WNT3A: variants seen among roughly 807,000 people sequenced by gnomAD.
The protein encoded by WNT3A is Wnt family member 3A, also known as protein Wnt-3a.
WNT3A carries 17 observed loss-of-function variants against 37.0 expected under a neutral mutation model. The ratio of observed to expected loss-of-function variants is 0.46; its 90% CI spans 0.31 to 0.69. The LOEUF is 0.69. Ranked by LOEUF, WNT3A falls within the 30% of genes least tolerant of loss-of-function variation. The probability of loss-of-function intolerance (pLI) is 0.05; values close to 1 mark genes in which losing one functional copy is unlikely to be tolerated. For synonymous variants in WNT3A, 187 were observed against 211.0 expected, an observed-to-expected ratio of 0.89 and a Z score of 0.99; for missense variants, 411 against 510.2, an observed-to-expected ratio of 0.81 and a Z score of 1.87.
chr1:228,009,411 G>A (rs1664848048), intron 1 of WNT3A, among the ~76,000 whole-genome samples: 1 of 152,136 alleles, frequency 6.6e-6, no homozygotes. Flanking sequence ...TAATAGCCGG[G>A]GAAGATTCTC....
At chr1:228,014,221 C>T (rs74871483) in intron 1 of WNT3A, among the ~76,000 whole-genome samples, 8,128 of 152,248 alleles carry the variant, frequency 0.053, 731 homozygotes, top group African/African-American at 0.18. Flanking sequence ...TCTCTCAGAG[C>T]TTCAGGTAGG....
intron 2 of WNT3A, among the ~76,000 whole-genome samples, chr1:228,035,588 CG>C (rs1259015970): frequency 2.6e-5 from 4 of 152,198 alleles, no homozygotes; most frequent in African/African-American, 9.7e-5. Context: ...CCGGGCAGGG[CG>C]GGGATGGATC....
intron 1 of WNT3A, among the ~76,000 whole-genome samples, chr1:228,016,925 T>A (rs568143031): frequency 1.1e-4 from 17 of 152,296 alleles, no homozygotes; most frequent in African/African-American, 3.6e-4. Context: ...ACGAGTGATC[T>A]GCGTCTGAGA....
chr1:228,058,915 T>G, intron 3 of WNT3A, 71 bp from the exon 4 acceptor site: 2 of 1,433,644 alleles, frequency 1.4e-6, no homozygotes, highest in Non-Finnish European at 1.9e-6. Flanking sequence ...GCAGGCGACA[T>G]GTAATGCTGT....
At position 228,034,948 on chromosome 1, in the gene WNT3A, T is replaced by A. The variant is rs369824450; in HGVS notation, c.313+12040T>A. On this transcript the variant is annotated intron_variant, in intron 2 of 3. Transcript: ENST00000284523. ...GGGACCCTTGGGGGTCTCCCATGGGTCTGGTGTGTGACAGCATCCCTATAG... is the reference window on the plus strand; with the variant it reads ...GGGACCCTTGGGGGTCTCCCATGGGACTGGTGTGTGACAGCATCCCTATAG... Among the ~76,000 whole-genome samples the A allele has an allele frequency of 1.5e-4, 23 of 152,144 alleles. No homozygotes were observed. In the South Asian group the frequency reaches 4.8e-3, roughly 32 times the overall value.
intron 1 of WNT3A, among the ~76,000 whole-genome samples, chr1:228,013,701 T>C (rs972453823): frequency 2.6e-5 from 4 of 152,158 alleles, no homozygotes; most frequent in African/African-American, 9.7e-5. Flanking sequence ...TCTAGGCAGC[T>C]GCAGTTCCAC....
At position 228,037,158 on chromosome 1, in the gene WNT3A, TC is replaced by T. The variant is rs1245291939; in HGVS notation, c.314-13497del. 6.6e-5 allele frequency among the ~76,000 whole-genome samples: 10 copies of T among 152,082 alleles called. No individual in the cohort carries two copies. The highest frequency in any genetic ancestry group is 1.0e-4 in the Non-Finnish European group (7 of 67,980). ...TCCCAGAGCCCTGGGGTTTGCTTCT[TC>T]GTACCCAGTGTGGGTGGGGCCTGCA... is the stretch of plus-strand genomic sequence containing the variant. On this transcript the variant is annotated intron_variant, in intron 2 of 3. Coordinates refer to ENST00000284523, the MANE Select transcript of WNT3A (RefSeq NM_033131.4). The surrounding 1 kb of genome is among the most constrained non-coding windows in gnomAD (Gnocchi z 4.1).
intron 1 of WNT3A, among the ~76,000 whole-genome samples, chr1:228,020,719 G>A (rs1245647001): frequency 2.6e-5 from 4 of 152,170 alleles, no homozygotes; most frequent in Non-Finnish European, 5.9e-5. Context: ...ATAAAGAAGT[G>A]AACAAGGGAG....
intron 3 of WNT3A, among the ~76,000 whole-genome samples, chr1:228,052,600 G>A (rs1049629337): frequency 9.2e-5 from 14 of 152,174 alleles, no homozygotes; most frequent in African/African-American, 2.9e-4. Context: ...TGGCGTCCAC[G>A]GGATTTAACA....
At chr1:228,022,231 A>T (rs532521483) in intron 1 of WNT3A, among the ~76,000 whole-genome samples, 1 of 152,258 alleles carries the variant, frequency 6.6e-6, no homozygotes, top group South Asian at 2.1e-4. Flanking sequence ...GGCTCTAGCG[A>T]GAGGTCACTT....
intron 2 of WNT3A, among the ~76,000 whole-genome samples, chr1:228,024,978 A>G (rs953569581): frequency 1.3e-5 from 2 of 152,198 alleles, no homozygotes; most frequent in South Asian, 2.1e-4. Flanking sequence ...TGGACTCTCA[A>G]TTCCAGTCTA....
At chr1:228,043,370 G>A (rs909980968) in intron 2 of WNT3A, among the ~76,000 whole-genome samples, 20 of 152,288 alleles carry the variant, frequency 1.3e-4, no homozygotes, top group Admixed American at 5.2e-4. Context: ...GGCCAAATTG[G>A]CAGCATTTGT....
Position 228,055,182 on chromosome 1 carries a change from AT to A in WNT3A, c.580-3803del, listed in dbSNP as rs1558296187. ...CCAAAAAAAAAAAAAAAAAAAAAATATATATATATATATATATATATATATA... is the reference window on the plus strand; with the variant it reads ...CCAAAAAAAAAAAAAAAAAAAAAATAATATATATATATATATATATATATA... On this transcript the variant is annotated intron_variant, in intron 3 of 3. Transcript: ENST00000284523. Among the ~76,000 whole-genome samples the A allele has an allele frequency of 8.5e-3, 222 of 26,092 alleles. 4 individuals are homozygous for A. Among genetic ancestry groups the A allele is most frequent in the Middle Eastern group, 0.018 (1 of 56 alleles). The allele number at this position is 26,092 out of a possible 152,430, so 17.1% of individuals were successfully genotyped here.
chr1:228,036,176 G>C (rs1026819310), intron 2 of WNT3A, among the ~76,000 whole-genome samples: 1 of 152,186 alleles, frequency 6.6e-6, no homozygotes, highest in African/African-American at 2.4e-5. Context: ...GTGGCCACAG[G>C]GTGCCTGACC....
intron 3 of WNT3A, among the ~76,000 whole-genome samples, chr1:228,055,002 T>C (rs1420967109): frequency 6.7e-6 from 1 of 149,498 alleles, no homozygotes; most frequent in Non-Finnish European, 1.5e-5. Context: ...GGCGTGGTAG[T>C]GCACGCCTGT....
At chr1:228,046,478 A>AT (rs1470186778) in intron 2 of WNT3A, among the ~76,000 whole-genome samples, 1 of 146,150 alleles carries the variant, frequency 6.8e-6, no homozygotes, top group Non-Finnish European at 1.5e-5. Context: ...CGAGGCGTGC[A>AT]TGTGGGGGTT....
chr1:228,043,268 T>C (rs1386219570), intron 2 of WNT3A, among the ~76,000 whole-genome samples: 1 of 152,202 alleles, frequency 6.6e-6, no homozygotes, highest in African/African-American at 2.4e-5. Flanking sequence ...CTCCAACAAC[T>C]GATTGCTGTG....
chr1:228,059,305 G>A lies in WNT3A; in HGVS notation c.899G>A (p.Ser300Asn), dbSNP rs1019954452. The change falls in exon 4 of 4, where the codon AGC becomes AAC. Residue 300 changes from serine (S) to asparagine (N), a missense_variant. By Grantham distance (46) the Ser-to-Asn change is conservative (BLOSUM62 1). Transcript: ENST00000284523. Reference protein sequence around the residue: ...FGTRDRTCNVSSHGIDGCDLL... With the variant: ...FGTRDRTCNVNSHGIDGCDLL... ...ACGCGCGACCGCACCTGCAACGTCAGCTCGCACGGCATCGACGGCTGCGAC... is the reference window on the plus strand; with the variant it reads ...ACGCGCGACCGCACCTGCAACGTCAACTCGCACGGCATCGACGGCTGCGAC... 3.2e-6 allele frequency: 5 copies of A among 1,583,002 alleles called. No homozygotes were observed. Among genetic ancestry groups the A allele is most frequent in the Non-Finnish European group, 4.3e-6 (5 of 1,169,360 alleles).
chr1:228,016,484 C>G (rs2030535709), intron 1 of WNT3A, among the ~76,000 whole-genome samples: 1 of 152,056 alleles, frequency 6.6e-6, no homozygotes, highest in South Asian at 2.1e-4. Context: ...GGGTGGCCTC[C>G]TGGGGTGGAA....
Sources: allele counts gnomAD v4.1 joint callset (sites outside exome capture counted in the v4.1 genomes callset), GRCh38; gene constraint gnomAD v4.1.1; non-coding constraint Gnocchi (gnomAD v3.1); transcripts MANE v1.5; gene names NCBI Gene and HGNC (gene_info 2026-07-23, HGNC 2026-07-21).